Variants in GPHN observed in about 807,000 individuals in gnomAD.
GPHN encodes the protein gephyrin.
A neutral mutation model predicts 95.5 loss-of-function variants in GPHN; 17 were observed. The observed-to-expected ratio is 0.18, with a 90% confidence interval of 0.12 to 0.27. GPHN has a LOEUF of 0.27. Ranked by LOEUF, GPHN falls within the 10% of genes least tolerant of loss-of-function variation. The pLI, the probability that GPHN is intolerant of heterozygous loss-of-function variation, is 1.00. For synonymous variants in GPHN, 320 were observed against 322.5 expected, an observed-to-expected ratio of 0.99 and a Z score of 0.08; for missense variants, 660 against 978.1, an observed-to-expected ratio of 0.67 and a Z score of 4.34.
At chr14:66,925,620 A>G (rs940835273) in intron 8 of GPHN, among the ~76,000 whole-genome samples, 1 of 152,140 alleles carries the variant, frequency 6.6e-6, no homozygotes, top group African/African-American at 2.4e-5. Flanking sequence ...ATTCTTTTTT[A>G]TAGCTGATCA....
the GPHN span, among the ~76,000 whole-genome samples, chr14:67,464,057 G>GGTGTGTGTATGTGTGAGAGTGTGTGT: frequency 7.9e-5 from 12 of 152,060 alleles, no homozygotes; most frequent in East Asian, 1.9e-3. Context: ...GGTGGCGCAG[G>GGTGTGTGTATGTGTGAGAGTGTGTGT]GTGTGTGTAT....
the GPHN span, among the ~76,000 whole-genome samples, chr14:67,186,840 A>G: frequency 1.3e-5 from 2 of 152,214 alleles, no homozygotes; most frequent in Non-Finnish European, 2.9e-5. Context: ...CAGCAATTCA[A>G]TGCAGAGTAT....
intron 2 of GPHN, among the ~76,000 whole-genome samples, chr14:66,742,465 G>A (rs1330202784): frequency 6.6e-6 from 1 of 152,110 alleles, no homozygotes; most frequent in Non-Finnish European, 1.5e-5. Flanking sequence ...GATTGCATAT[G>A]CCCCTGAGCC....
the GPHN span, among the ~76,000 whole-genome samples, chr14:67,267,634 G>C: frequency 6.6e-6 from 1 of 152,280 alleles, no homozygotes; most frequent in South Asian, 2.1e-4. Flanking sequence ...TAAGATTTAG[G>C]TTTTATGGGA....
At chr14:66,899,179 G>A (rs2065012454) in intron 5 of GPHN, among the ~76,000 whole-genome samples, 1 of 149,484 alleles carries the variant, frequency 6.7e-6, no homozygotes, top group Non-Finnish European at 1.5e-5. Flanking sequence ...TATTCTTTGG[G>A]ATTTTCTGTA....
the GPHN span, among the ~76,000 whole-genome samples, chr14:67,397,021 C>G: frequency 6.6e-6 from 1 of 151,122 alleles, no homozygotes; most frequent in Admixed American, 6.6e-5. Context: ...TCACTGCAAA[C>G]TCTGCCTCCC....
intron 9 of GPHN, among the ~76,000 whole-genome samples, chr14:67,011,724 G>A (rs2073023095): frequency 6.6e-6 from 1 of 151,398 alleles, no homozygotes; most frequent in Non-Finnish European, 1.5e-5. Flanking sequence ...TTATTTTCAA[G>A]TAACCTACTG....
chr14:67,528,264 T>C, the GPHN span, among the ~76,000 whole-genome samples: 13 of 152,264 alleles, frequency 8.5e-5, no homozygotes, highest in East Asian at 2.5e-3. Flanking sequence ...ACTCTGGAAG[T>C]TGAACCCCAC....
the GPHN span, among the ~76,000 whole-genome samples, chr14:67,703,615 A>G: frequency 1.3e-5 from 2 of 152,194 alleles, no homozygotes; most frequent in African/African-American, 4.8e-5. Flanking sequence ...CTATTATTTT[A>G]AGATGTGCAC....
chr14:67,444,778 G>T, the GPHN span, among the ~76,000 whole-genome samples: 3 of 152,170 alleles, frequency 2.0e-5, no homozygotes, highest in South Asian at 2.1e-4. Flanking sequence ...TTGTGTGTGT[G>T]TGACAGAGTA....
At chr14:66,623,978 G>A (rs1451057764) in intron 1 of GPHN, among the ~76,000 whole-genome samples, 1 of 152,116 alleles carries the variant, frequency 6.6e-6, no homozygotes, top group Non-Finnish European at 1.5e-5. Flanking sequence ...GCAGGGTTTG[G>A]ACACCAACCC....
the GPHN span, among the ~76,000 whole-genome samples, chr14:67,713,296 C>T: frequency 4.7e-5 from 7 of 148,336 alleles, no homozygotes; most frequent in African/African-American, 1.7e-4. Flanking sequence ...ACCTCATTTT[C>T]CCTATTGGAA....
At chr14:67,569,120 T>G in the GPHN span, 2 of 1,589,452 alleles carry the variant, frequency 1.3e-6, no homozygotes, top group Non-Finnish European at 1.7e-6. Flanking sequence ...CTGAGCTTCC[T>G]GAGACCTCTT....
chr14:66,810,559 C>A (rs889898540), intron 3 of GPHN, among the ~76,000 whole-genome samples: 29 of 151,898 alleles, frequency 1.9e-4, no homozygotes, highest in Admixed American at 1.1e-3. Context: ...CACAGAAATT[C>A]TTCTTTTTCT....
intron 11 of GPHN, among the ~76,000 whole-genome samples, chr14:67,080,217 T>G (rs2076637235): frequency 6.6e-6 from 1 of 152,134 alleles, no homozygotes; most frequent in Non-Finnish European, 1.5e-5. Context: ...ATAGCATCTT[T>G]GGGAAAATGT....
chr14:67,129,077 G>C (rs918600710), intron 17 of GPHN, among the ~76,000 whole-genome samples: 1 of 151,692 alleles, frequency 6.6e-6, no homozygotes. Context: ...GCCTCCCAAA[G>C]TGCTGGGATA....
chr14:67,694,475 T>TAC, the GPHN span, among the ~76,000 whole-genome samples: 12 of 131,010 alleles, frequency 9.2e-5, no homozygotes, highest in East Asian at 2.1e-4. Context: ...CATATATATA[T>TAC]ATACACACAC....
chr14:67,388,344 C>T, the GPHN span: 5 of 1,265,368 alleles, frequency 4.0e-6, no homozygotes, highest in East Asian at 2.3e-5. Flanking sequence ...TGTGAATGAA[C>T]AAAAGGGAAG....
At chr14:67,498,368 G>A in the GPHN span, among the ~76,000 whole-genome samples, 1 of 152,134 alleles carries the variant, frequency 6.6e-6, no homozygotes, top group East Asian at 1.9e-4. Context: ...TGAGTTTTGT[G>A]AGTTGATTTT....
Sources: allele counts gnomAD v4.1 joint callset (sites outside exome capture counted in the v4.1 genomes callset), GRCh38; gene constraint gnomAD v4.1.1; transcripts MANE v1.5; gene names NCBI Gene and HGNC (gene_info 2026-07-23, HGNC 2026-07-21).